Variants in KTN1 observed in about 807,000 individuals in gnomAD.
KTN1 encodes kinectin 1, also known as kinectin.
A neutral mutation model predicts 222.5 loss-of-function variants in KTN1; 130 were observed. The ratio of observed to expected loss-of-function variants is 0.58; its 90% CI spans 0.51 to 0.68. KTN1 has a LOEUF of 0.68. Ranked by LOEUF, KTN1 falls within the 30% of genes least tolerant of loss-of-function variation. The probability of loss-of-function intolerance (pLI) is 0.00; values close to 1 mark genes in which losing one functional copy is unlikely to be tolerated. For synonymous variants in KTN1, 512 were observed against 496.3 expected (o/e 1.03, Z -0.42); for missense variants, 1,508 against 1,500.4 (o/e 1.01, Z -0.08).
At chr14:55,650,669 T>A in intron 24 of KTN1, 32 bp downstream of exon 24, 2 of 1,489,868 alleles carry the variant, frequency 1.3e-6, no homozygotes, top group Non-Finnish European at 1.9e-6. Flanking sequence ...CATGACAGAT[T>A]TATTAGTTGT....
At chr14:55,589,308 C>CT (rs1447624412) in intron 1 of KTN1, among the ~76,000 whole-genome samples, 5 of 151,900 alleles carry the variant, frequency 3.3e-5, no homozygotes, top group Admixed American at 1.3e-4. Context: ...TAAAGAGATT[C>CT]TTTTTTTTGA....
chr14:55,650,731 T>C (rs1595108754), intron 24 of KTN1, 94 bp downstream of exon 24: 1 of 878,458 alleles, frequency 1.1e-6, no homozygotes, highest in East Asian at 2.4e-5. Flanking sequence ...AAAAACTTAG[T>C]ATGCTGTAGG....
At chr14:55,615,810 T>A (rs1222321202) in intron 2 of KTN1, among the ~76,000 whole-genome samples, 1 of 151,878 alleles carries the variant, frequency 6.6e-6, no homozygotes, top group South Asian at 2.1e-4. Flanking sequence ...TTCCTTCTTT[T>A]CCTTCCTTTC....
rs2037262348 is a variant in KTN1, at chr14:55,609,718, CT to C, written c.-30-2297del. ...CAGCTTATTCATTAGGCCTTTTTGA[CT>C]TTTACCCCTTTTTTCAGCTTCTATT... On this transcript the variant is annotated intron_variant, in intron 1 of 43. Transcript: ENST00000395314. Among the ~76,000 whole-genome samples, 9 of 152,184 alleles carry C rather than the reference CT, an allele frequency of 5.9e-5. No individual in the cohort carries two copies. The South Asian group carries it at 1.9e-3, about 32-fold the overall frequency.
intron 1 of KTN1, among the ~76,000 whole-genome samples, chr14:55,598,224 A>C (rs1303910643): frequency 2.0e-5 from 3 of 152,182 alleles, no homozygotes; most frequent in Admixed American, 1.3e-4. Context: ...TCACGAGGTC[A>C]GGAGATTGAG....
intron 24 of KTN1, 92 bp downstream of exon 24, chr14:55,650,729 A>T (rs1196808618): frequency 1.1e-6 from 1 of 878,068 alleles, no homozygotes; most frequent in East Asian, 2.4e-5. Context: ...GAAAAAACTT[A>T]GTATGCTGTA....
chr14:55,587,341 T>G (rs1254687439), intron 1 of KTN1, among the ~76,000 whole-genome samples: 1 of 152,178 alleles, frequency 6.6e-6, no homozygotes, highest in Admixed American at 6.5e-5. Flanking sequence ...ATTTGAAACA[T>G]GAATTTCAGC....
rs140438549 is a variant in KTN1 at position 55,610,676 on chromosome 14, T to C, written c.-30-1343T>C. Among the ~76,000 whole-genome samples, 377 of 152,336 alleles carry C rather than the reference T, an allele frequency of 2.5e-3. 3 individuals carry two copies. Among genetic ancestry groups the C allele is most frequent in the African/African-American group, 8.8e-3 (365 of 41,586 alleles). The stretch of plus-strand genomic sequence containing the variant: ...GTCCTGATGTTTAATTATATCTGTA[T>C]TATATACCTTGTCTTTTTCTACAAC... On this transcript the variant is annotated intron_variant, in intron 1 of 43. Coordinates refer to ENST00000395314, the MANE Select transcript of KTN1 (RefSeq NM_001079521.2).
At chr14:55,641,664 A>G in intron 17 of KTN1, 28 bp from the exon 18 acceptor site, 1 of 1,394,794 alleles carries the variant, frequency 7.2e-7, no homozygotes, top group Non-Finnish European at 1.0e-6. Context: ...TTCTTAATAA[A>G]ACAGTAAATT....
chr14:55,604,777 T>G (rs1244528924), intron 1 of KTN1, among the ~76,000 whole-genome samples: 1 of 152,006 alleles, frequency 6.6e-6, no homozygotes, highest in Admixed American at 6.5e-5. Context: ...TTCATAGGTT[T>G]GATTTAAGCT....
chr14:55,657,397 G>GTTTTTTTTTTTTTTTTTTT (rs35297700), intron 29 of KTN1, among the ~76,000 whole-genome samples: 23 of 137,650 alleles, frequency 1.7e-4, no homozygotes, highest in African/African-American at 5.7e-4. Context: ...CTGAGTTGAC[G>GTTTTTTTTTTTTTTTTTTT]TTTTTTTTTT....
intron 32 of KTN1, 71 bp downstream of exon 32, chr14:55,661,683 T>G: frequency 1.3e-6 from 1 of 769,302 alleles, no homozygotes. Context: ...TTCAGGAATT[T>G]TTTTTAAATC....
Position 55,631,359 on chromosome 14 carries a change from T to TG in KTN1, c.1221+1262_1221+1263insG, listed in dbSNP as rs1566752910. 4.1e-5 allele frequency among the ~76,000 whole-genome samples: 6 copies of TG among 146,498 alleles called. No individual in the cohort carries two copies. The East Asian group carries it at 9.8e-4, about 24-fold the overall frequency. On this transcript the variant is annotated intron_variant, in intron 7 of 43. Transcript: ENST00000395314. ...TAAGGTTGATATATATATATATATA[T>TG]ATATATATATGTATTTTTTTTCAGG...
chr14:55,661,436 G>A, intron 31 of KTN1, 86 bp from the exon 32 acceptor site: 2 of 709,726 alleles, frequency 2.8e-6, no homozygotes, highest in South Asian at 1.8e-5. Context: ...TTTTTATTTT[G>A]TAATAGCAAA....
Position 55,619,277 on chromosome 14 carries a change from G to C in KTN1, c.928G>C (p.Glu310Gln), listed in dbSNP as rs763339083. Residue 310 changes from glutamate (E) to glutamine (Q), a missense_variant, in exon 5 of 44, where the codon GAG becomes CAG. Physicochemically the swap from Glu to Gln is conservative, Grantham distance 29. Transcript: ENST00000395314. ...EALCVVDLLKEKSGVIQDALK... is the reference protein window; with the variant it reads ...EALCVVDLLKQKSGVIQDALK... ...TCTTTGTGTTGTAGACTTGCTAAAG[G>C]AGAAGTCTGGTGTAATACAAGATGC... is the stretch of plus-strand genomic sequence containing the variant. The C allele has an allele frequency of 6.2e-7, 1 of 1,613,404 alleles. No individual in the cohort carries two copies. The highest frequency in any genetic ancestry group is 8.5e-7 in the Non-Finnish European group (1 of 1,179,540).
chr14:55,604,014 TA>T (rs1566687089), intron 1 of KTN1, among the ~76,000 whole-genome samples: 1 of 152,166 alleles, frequency 6.6e-6, no homozygotes, highest in Non-Finnish European at 1.5e-5. Context: ...AGTTGTCACC[TA>T]ACAGTTCTCC....
chr14:55,581,425 T>C (rs186834989), intron 1 of KTN1, among the ~76,000 whole-genome samples: 7 of 152,180 alleles, frequency 4.6e-5, no homozygotes, highest in African/African-American at 1.7e-4. Context: ...AGAGCTACGG[T>C]TGAAGTTAAC....
rs760346415 is a variant in KTN1, at chr14:55,616,599, A to G, written c.606A>G (p.Gln202=). The G allele has an allele frequency of 1.6e-5, 26 of 1,608,686 alleles. No individual in the cohort carries two copies. The highest frequency in any genetic ancestry group is 2.1e-5 in the Non-Finnish European group (25 of 1,178,602). The change falls in exon 3 of 44, where the codon CAA becomes CAG. Residue 202 remains glutamine, a synonymous_variant. Transcript: ENST00000395314. The part of the protein sequence containing the change: ...EALPLHQETK[Q]ESGSGKKKAS... ...TGCCCCTCCACCAAGAGACTAAACA[A>G]GAAAGTGGATCAGGGAAGAAGAAAG...
At chr14:55,602,749 T>G (rs147574755) in intron 1 of KTN1, among the ~76,000 whole-genome samples, 13 of 152,244 alleles carry the variant, frequency 8.5e-5, no homozygotes, top group African/African-American at 2.9e-4. Context: ...GTCTAGCTAA[T>G]TTTTTATTGT....
Sources: allele counts gnomAD v4.1 joint callset (sites outside exome capture counted in the v4.1 genomes callset), GRCh38; gene constraint gnomAD v4.1.1; transcripts MANE v1.5; gene names NCBI Gene and HGNC (gene_info 2026-07-23, HGNC 2026-07-21).